ZBTB46: variants seen among roughly 807,000 people sequenced by gnomAD.
ZBTB46 encodes zinc finger and BTB domain-containing protein 46.
A neutral mutation model predicts 44.1 loss-of-function variants in ZBTB46; 8 were observed. The observed-to-expected ratio is 0.18, with a 90% CI of 0.11 to 0.33. ZBTB46 has a LOEUF of 0.33. Ranked by LOEUF, ZBTB46 falls within the 10% of genes least tolerant of loss-of-function variation. The pLI, the probability that ZBTB46 is intolerant of heterozygous loss-of-function variation, is 1.00. For synonymous variants in ZBTB46, 409 were observed against 382.3 expected (o/e 1.07, Z -0.81); for missense variants, 651 against 847.7 (o/e 0.77, Z 2.88).
chr20:63,781,962 C>T (rs2092473375), intron 2 of ZBTB46, among the ~76,000 whole-genome samples: 1 of 149,528 alleles, frequency 6.7e-6, no homozygotes, highest in Non-Finnish European at 1.5e-5. Context: ...TGGTGGGTGC[C>T]TGTAGTCTCA....
intron 1 of ZBTB46, among the ~76,000 whole-genome samples, chr20:63,812,878 G>A (rs1003433689): frequency 3.3e-5 from 5 of 152,056 alleles, no homozygotes; most frequent in Non-Finnish European, 4.4e-5. Flanking sequence ...GGTGGATCAT[G>A]AGGTCAAGAC....
chr20:63,784,328 G>A (rs560075088), intron 2 of ZBTB46, among the ~76,000 whole-genome samples: 1 of 152,332 alleles, frequency 6.6e-6, no homozygotes, highest in East Asian at 1.9e-4. Flanking sequence ...CAGACAGGAG[G>A]CTTGCAGGCA....
intron 1 of ZBTB46, among the ~76,000 whole-genome samples, chr20:63,813,048 A>G (rs2092726581): frequency 6.6e-6 from 1 of 151,840 alleles, no homozygotes; most frequent in Non-Finnish European, 1.5e-5. Flanking sequence ...CAGTGAGCCG[A>G]GATCGCACCA....
At position 63,791,365 on chromosome 20, in the gene ZBTB46, G is replaced by A. The variant is rs191535344; in HGVS notation, c.-33-575C>T. On this transcript the variant is annotated intron_variant, in intron 1 of 4. Coordinates refer to ENST00000245663, the MANE Select transcript of ZBTB46 (RefSeq NM_001369741.1). The stretch of plus-strand genomic sequence containing the variant: ...AAAAAAAGCAGCTGGGCATGGTGGC[G>A]GGAGCCTGTAGTCCCAGCTATTCAG... Among the ~76,000 whole-genome samples, 557 of 152,008 alleles carry A rather than the reference G, an allele frequency of 3.7e-3. 6 individuals carry two copies. The highest frequency in any genetic ancestry group is 0.013 in the African/African-American group (535 of 41,470).
At chr20:63,811,739 G>A (rs949131209) in intron 1 of ZBTB46, among the ~76,000 whole-genome samples, 3 of 152,180 alleles carry the variant, frequency 2.0e-5, no homozygotes, top group Admixed American at 6.5e-5. Context: ...CTGACTCCCT[G>A]CCACATGAGG....
intron 1 of ZBTB46, among the ~76,000 whole-genome samples, chr20:63,795,672 G>T (rs1214183955): frequency 6.6e-6 from 1 of 152,188 alleles, no homozygotes; most frequent in Non-Finnish European, 1.5e-5. Context: ...GTCCTGTGCT[G>T]GCACCAGGTC....
intron 1 of ZBTB46, among the ~76,000 whole-genome samples, chr20:63,800,346 G>C (rs1469499584): frequency 6.6e-6 from 1 of 152,238 alleles, no homozygotes; most frequent in Non-Finnish European, 1.5e-5. Flanking sequence ...GCTGGGGTAG[G>C]GGGAGAGGCT....
At chr20:63,793,723 C>T (rs546236838) in intron 1 of ZBTB46, among the ~76,000 whole-genome samples, 138 of 151,650 alleles carry the variant, frequency 9.1e-4, no homozygotes, top group East Asian at 3.5e-3. Context: ...ATAGAAGCAG[C>T]GGCTACCTCA....
chr20:63,817,214 T>G (rs1350167325), intron 1 of ZBTB46, among the ~76,000 whole-genome samples: 1 of 151,796 alleles, frequency 6.6e-6, no homozygotes, highest in Non-Finnish European at 1.5e-5. Context: ...GAGCCCAGCA[T>G]GGGCCACATA....
intron 2 of ZBTB46, among the ~76,000 whole-genome samples, chr20:63,781,696 G>A (rs2092471094): frequency 6.6e-6 from 1 of 152,098 alleles, no homozygotes; most frequent in Non-Finnish European, 1.5e-5. Flanking sequence ...GGAGGCTGAG[G>A]CAGGAGAATT....
intron 1 of ZBTB46, among the ~76,000 whole-genome samples, chr20:63,797,601 T>C (rs1006744597): frequency 2.0e-5 from 3 of 152,240 alleles, no homozygotes; most frequent in African/African-American, 7.2e-5. Flanking sequence ...ATGGTTGAAC[T>C]AGTTTACAGT....
intron 1 of ZBTB46, among the ~76,000 whole-genome samples, chr20:63,823,888 G>GTGTGTGTGTGTGTGTGTGTGTGTGTT (rs1414023978): frequency 6.6e-6 from 1 of 151,552 alleles, no homozygotes; most frequent in African/African-American, 2.4e-5. Context: ...GTGTGTGTGT[G>GTGTGTGTGTGTGTGTGTGTGTGTGTT]TTCTTTGGGA....
chr20:63,815,352 TGCAGGTGCA>T (rs912802275), intron 1 of ZBTB46, among the ~76,000 whole-genome samples: 1 of 142,184 alleles, frequency 7.0e-6, no homozygotes, highest in Non-Finnish European at 1.5e-5. Context: ...GTGCAGTAGG[TGCAGGTGCA>T]GTGGGTACAG....
chr20:63,820,722 G>A (rs891964007), intron 1 of ZBTB46, among the ~76,000 whole-genome samples: 7 of 151,814 alleles, frequency 4.6e-5, no homozygotes, highest in African/African-American at 1.7e-4. Context: ...GTGAGCCACC[G>A]CGCCCAGCCT....
rs1164734106 is a variant in ZBTB46, at chr20:63,815,998, ACAGGTGGGCACAGGTGCAGTGGGCG to A, written c.-34+15074_-34+15098del. Among the ~76,000 whole-genome samples, 321 of 120,792 alleles carry A rather than the reference ACAGGTGGGCACAGGTGCAGTGGGCG, an allele frequency of 2.7e-3. 6 individuals carry two copies. Among genetic ancestry groups the A allele is most frequent in the African/African-American group, 0.01 (305 of 29,514 alleles). The allele number at this position is 120,792 out of a possible 152,430, so 79.2% of individuals were successfully genotyped here. A position where few individuals can be genotyped will look rare whatever the true frequency, so the allele number is the denominator to read the frequency against. ...TACAGTGGGCGCAGGTGCAGTGGGC[ACAGGTGGGCACAGGTGCAGTGGGCG>A]CAGGTGGGCACAGGTGCGGTGGGTG... is the stretch of plus-strand genomic sequence containing the variant. On this transcript the variant is annotated intron_variant, in intron 1 of 4. Transcript: ENST00000245663.
chr20:63,799,433 A>AC (rs1467105621), intron 1 of ZBTB46, among the ~76,000 whole-genome samples: 1 of 151,092 alleles, frequency 6.6e-6, no homozygotes, highest in Non-Finnish European at 1.5e-5. Flanking sequence ...AGCAATCTCC[A>AC]CCTCCTGGGT....
Position 63,746,775 on chromosome 20 carries a change from C to A in ZBTB46, c.*155G>T. On this transcript the variant is annotated 3_prime_UTR_variant, in exon 5 of 5. Transcript: ENST00000245663. ...TTGCTGGGGTCGCACCTGCTTAGCC[C>A]GCAGGGCTGGTTTCCGTGGGGGGTG... is the stretch of plus-strand genomic sequence containing the variant. The A allele has an allele frequency of 8.0e-7, 1 of 1,257,216 alleles. No homozygotes were observed. Among genetic ancestry groups the A allele is most frequent in the Non-Finnish European group, 1.0e-6 (1 of 952,840 alleles). The allele number at this position is 1,257,216 out of a possible 1,614,324, so 77.9% of individuals were successfully genotyped here. A position where few individuals can be genotyped will look rare whatever the true frequency, so the allele number is the denominator to read the frequency against.
At chr20:63,786,063 C>A (rs111253003) in intron 2 of ZBTB46, among the ~76,000 whole-genome samples, 1 of 152,212 alleles carries the variant, frequency 6.6e-6, no homozygotes, top group African/African-American at 2.4e-5. Flanking sequence ...GTTACGTGCA[C>A]GCACAGGGAG....
At chr20:63,758,825 G>T (rs1339058973) in intron 3 of ZBTB46, among the ~76,000 whole-genome samples, 1 of 151,570 alleles carries the variant, frequency 6.6e-6, no homozygotes, top group South Asian at 2.1e-4. Context: ...TCCGCCTCCC[G>T]GGTTCACGCC....
Sources: gnomAD v4.1 joint callset for allele counts (sites outside exome capture counted in the v4.1 genomes callset) on GRCh38, gnomAD v4.1.1 for gene constraint, MANE v1.5 for transcripts, NCBI Gene and HGNC (gene_info 2026-07-23, HGNC 2026-07-21) for gene names.